Variants in DCUN1D4 observed in about 807,000 individuals in gnomAD.
DCUN1D4 encodes the protein defective in cullin neddylation 1 domain containing 4, also known as DCN1-like protein 4.
In DCUN1D4, 22 loss-of-function variants were observed where a neutral mutation model predicts 47.9. That is an observed-to-expected ratio of 0.46 (90% CI 0.33 to 0.66). DCUN1D4 has a LOEUF of 0.66. Ranked by LOEUF, DCUN1D4 falls within the 30% of genes least tolerant of loss-of-function variation. The pLI, the probability that DCUN1D4 is intolerant of heterozygous loss-of-function variation, is 0.02. For synonymous variants in DCUN1D4, 121 were observed against 112.2 expected, an observed-to-expected ratio of 1.08 and a Z score of -0.50; for missense variants, 301 against 340.8, an observed-to-expected ratio of 0.88 and a Z score of 0.92.
intron 1 of DCUN1D4, among the ~76,000 whole-genome samples, chr4:51,855,136 C>T (rs757767363): frequency 5.3e-5 from 8 of 152,100 alleles, no homozygotes; most frequent in Non-Finnish European, 7.4e-5. Context: ...AATATAATGT[C>T]AGGATCATGA....
chr4:51,877,691 A>G, intron 4 of DCUN1D4, 72 bp from the exon 5 acceptor site: 1 of 926,174 alleles, frequency 1.1e-6, no homozygotes, highest in East Asian at 2.4e-5. Context: ...TGGGTAAAAG[A>G]ATATAAATTA....
At chr4:51,910,507 G>C (rs745430330) in intron 8 of DCUN1D4, among the ~76,000 whole-genome samples, 6 of 152,128 alleles carry the variant, frequency 3.9e-5, no homozygotes, top group Non-Finnish European at 8.8e-5. Context: ...GTGGGTAGAT[G>C]AATCTATCCT....
chr4:51,853,666 A>G (rs2109836607), intron 1 of DCUN1D4, among the ~76,000 whole-genome samples: 1 of 152,290 alleles, frequency 6.6e-6, no homozygotes, highest in East Asian at 1.9e-4. Context: ...CCCCACACCC[A>G]TTTTTATTTA....
chr4:51,889,306 T>C (rs968126870), intron 6 of DCUN1D4, among the ~76,000 whole-genome samples: 9 of 152,210 alleles, frequency 5.9e-5, no homozygotes, highest in Admixed American at 2.6e-4. Context: ...TGCTGAAATA[T>C]GGTGTTTTCA....
At chr4:51,885,320 G>A (rs762330281) in intron 5 of DCUN1D4, among the ~76,000 whole-genome samples, 1 of 152,136 alleles carries the variant, frequency 6.6e-6, no homozygotes. Flanking sequence ...GCACAATTAA[G>A]AAATAATTAG....
chr4:51,900,537 C>T (rs550017856), intron 8 of DCUN1D4, among the ~76,000 whole-genome samples: 2 of 152,010 alleles, frequency 1.3e-5, no homozygotes, highest in Non-Finnish European at 2.9e-5. Context: ...AGTTTGAGAC[C>T]AGCCTGGGTA....
chr4:51,866,545 G>A (rs780849233), intron 3 of DCUN1D4, among the ~76,000 whole-genome samples: 4 of 151,924 alleles, frequency 2.6e-5, no homozygotes, highest in Non-Finnish European at 4.4e-5. Flanking sequence ...TCTAATCCAT[G>A]GGTATTTTAT....
intron 1 of DCUN1D4, among the ~76,000 whole-genome samples, chr4:51,851,919 T>C (rs1723437456): frequency 6.6e-6 from 1 of 152,234 alleles, no homozygotes; most frequent in Non-Finnish European, 1.5e-5. Flanking sequence ...TCTGACTCCA[T>C]GGTCTTGGTA....
chr4:51,909,165 C>T (rs1464243962), intron 8 of DCUN1D4, among the ~76,000 whole-genome samples: 1 of 151,964 alleles, frequency 6.6e-6, no homozygotes, highest in Non-Finnish European at 1.5e-5. Context: ...TAGTGTATGT[C>T]CATTGTGACG....
intron 3 of DCUN1D4, among the ~76,000 whole-genome samples, chr4:51,867,545 G>A (rs900382965): frequency 2.6e-5 from 4 of 152,164 alleles, no homozygotes; most frequent in Non-Finnish European, 4.4e-5. Context: ...GCTCTTTTCT[G>A]CAGGCAGGTC....
intron 3 of DCUN1D4, among the ~76,000 whole-genome samples, chr4:51,866,591 A>C (rs1324337118): frequency 6.6e-6 from 1 of 152,078 alleles, no homozygotes; most frequent in Admixed American, 6.6e-5. Flanking sequence ...ATTTATGTAC[A>C]CTTATGCTTA....
chr4:51,898,073 G>A (rs567812538), intron 7 of DCUN1D4, among the ~76,000 whole-genome samples: 1 of 152,212 alleles, frequency 6.6e-6, no homozygotes, highest in African/African-American at 2.4e-5. Context: ...TGTCCTCCTT[G>A]TGAGGTCTTT....
chr4:51,888,985 A>G (rs1318564917), intron 6 of DCUN1D4, among the ~76,000 whole-genome samples: 1 of 151,476 alleles, frequency 6.6e-6, no homozygotes, highest in East Asian at 2.0e-4. Flanking sequence ...GATGTGCGCT[A>G]GTAATCCCAG....
At chr4:51,839,930 C>T (rs1721589906), upstream of DCUN1D4, among the ~76,000 whole-genome samples, 1 of 152,114 alleles carries the variant, frequency 6.6e-6, no homozygotes, top group South Asian at 2.1e-4. Flanking sequence ...CTAGACTTCT[C>T]CATATCACAT....
chr4:51,905,388 C>A, intron 8 of DCUN1D4: 1 of 256,124 alleles, frequency 3.9e-6, no homozygotes, highest in Admixed American at 4.1e-5. Flanking sequence ...TGGAATCTTG[C>A]TAGAAGAAGA....
chr4:51,899,529 T>G (rs1215986594), intron 8 of DCUN1D4, 151 bp downstream of exon 8: 1 of 1,447,136 alleles, frequency 6.9e-7, no homozygotes, highest in East Asian at 2.7e-5. Context: ...ACATGTATGC[T>G]TTTGAAAACT....
At chr4:51,878,172 A>G (rs74694748) in intron 5 of DCUN1D4, among the ~76,000 whole-genome samples, 2,150 of 152,320 alleles carry the variant, frequency 0.014, 32 homozygotes, top group Non-Finnish European at 0.021. Context: ...CACCTGTGTT[A>G]AAATAAGCTT....
rs1372678113 is a variant in DCUN1D4, at chr4:51,863,437, A to AT, written c.30dup (p.Gln11SerfsTer14). 6.2e-7 allele frequency: 1 copy of AT among 1,609,064 alleles called. No homozygotes were observed. Among genetic ancestry groups the AT allele is most frequent in the Non-Finnish European group, 8.5e-7 (1 of 1,177,752 alleles). On this transcript the variant is annotated frameshift_variant and splice_region_variant, in exon 2 of 11. Transcript: ENST00000334635. LOFTEE classifies it high-confidence loss of function. ...GACATTTTTCCTTTTTCTTTTCAAG[A>AT]TTTTCAGCTGAACTCTCATCTCTCA...
At chr4:51,835,945 G>A in the DCUN1D4 span, among the ~76,000 whole-genome samples, 9 of 152,128 alleles carry the variant, frequency 5.9e-5, no homozygotes, top group East Asian at 1.7e-3. Flanking sequence ...TTAAAATACT[G>A]GCCCCCCAAG....
Sources: gnomAD v4.1 joint callset for allele counts (sites outside exome capture counted in the v4.1 genomes callset) on GRCh38, gnomAD v4.1.1 for gene constraint, MANE v1.5 for transcripts, NCBI Gene and HGNC (gene_info 2026-07-23, HGNC 2026-07-21) for gene names.